C8B: variants seen among roughly 807,000 people sequenced by gnomAD.
C8B encodes complement component C8 beta chain.
A neutral mutation model predicts 64.6 loss-of-function variants in C8B; 67 were observed. The ratio of observed to expected loss-of-function variants is 1.04; its 90% CI spans 0.85 to 1.27. The LOEUF (loss-of-function observed/expected upper bound fraction) is 1.27, where lower values mean the gene tolerates loss of function less well. Ranked by LOEUF, C8B falls within the 50% of genes most tolerant of loss-of-function variation. The pLI is 0.00. For synonymous variants in C8B, 284 were observed against 257.7 expected (o/e 1.10, Z -0.98); for missense variants, 790 against 725.2 (o/e 1.09, Z -1.03).
intron 9 of C8B, among the ~76,000 whole-genome samples, chr1:56,938,784 C>A (rs1644808854): frequency 6.6e-6 from 1 of 152,110 alleles, no homozygotes; most frequent in Admixed American, 6.6e-5. Flanking sequence ...GTCTACTGGG[C>A]TCTGCTGTCT....
intron 6 of C8B, among the ~76,000 whole-genome samples, chr1:56,948,285 A>G (rs980858769): frequency 6.6e-6 from 1 of 152,244 alleles, no homozygotes; most frequent in Admixed American, 6.5e-5. Flanking sequence ...GTAAGAGATG[A>G]AAGAACATGG....
At position 56,954,753 on chromosome 1, in the gene C8B, T is replaced by C. The variant is rs747315203; in HGVS notation, c.466A>G (p.Arg156Gly). 50 of 1,614,066 alleles carry C rather than the reference T, an allele frequency of 3.1e-5. No individual in the cohort carries two copies. Among genetic ancestry groups the C allele is most frequent in the Non-Finnish European group, 4.0e-5 (47 of 1,180,018 alleles). The stretch of plus-strand genomic sequence containing the variant: ...TGCTGACATTTTTTATAAATCCTTC[T>C]ACAGTTTGCTTCATCTGACTGGTCT... ...CGDQSDEANC[R>G]RIYKKCQHEM... The change falls in exon 4 of 12, where the codon AGA becomes GGA. Residue 156 changes from arginine to glycine, a missense_variant. Transcript: ENST00000371237.
chr1:56,946,281 C>G (rs578030839), intron 6 of C8B, among the ~76,000 whole-genome samples: 6 of 152,242 alleles, frequency 3.9e-5, no homozygotes, highest in African/African-American at 1.4e-4. Context: ...TCTTAACTCA[C>G]CTCCTTACTG....
intron 6 of C8B, among the ~76,000 whole-genome samples, chr1:56,948,134 T>C (rs559724035): frequency 6.6e-6 from 1 of 152,032 alleles, no homozygotes; most frequent in East Asian, 1.9e-4. Flanking sequence ...ATCAGGGAGC[T>C]GGAAGGGAGA....
chr1:56,953,690 G>A (rs1261618459), intron 4 of C8B, among the ~76,000 whole-genome samples: 12 of 152,178 alleles, frequency 7.9e-5, no homozygotes, highest in Admixed American at 7.9e-4. Context: ...TCCTGCAGAT[G>A]ATAAAGCTAA....
In C8B at chr1:56,952,159, A is replaced by G. The variant is rs1451911468; in HGVS notation, c.555T>C (p.Ser185=). The G allele has an allele frequency of 6.2e-6, 10 of 1,614,182 alleles. No individual in the cohort carries two copies. Among genetic ancestry groups the G allele is most frequent in the Non-Finnish European group, 8.5e-6 (10 of 1,180,010 alleles). ...TGTGATCAAGAACTGGGCCCTCAAAACTGTTTGTGAACAAATTTATCCTGT... is the reference window on the plus strand; with the variant it reads ...TGTGATCAAGAACTGGGCCCTCAAAGCTGTTTGTGAACAAATTTATCCTGT... ...LASGINLFTN[S]FEGPVLDHRY... Residue 185 remains serine (S), a synonymous_variant, in exon 5 of 12, where the codon AGT becomes AGC. Transcript: ENST00000371237.
At chr1:56,930,200 C>T (rs1357098967) in intron 11 of C8B, among the ~76,000 whole-genome samples, 1 of 152,176 alleles carries the variant, frequency 6.6e-6, no homozygotes, top group East Asian at 1.9e-4. Context: ...ATAATGGGAG[C>T]TGTGTTATCT....
At position 56,940,729 on chromosome 1, in the gene C8B, G is replaced by A. The variant is rs1326713817; in HGVS notation, c.1398+120C>T. On this transcript the variant is annotated intron_variant, in intron 9 of 11. Transcript: ENST00000371237. Reference sequence around the variant, plus strand: ...AAATATATTTTCTACTATCGTATATGTGTCCCAAAATTAGGGCCTGGGTCT... The same window carrying A: ...AAATATATTTTCTACTATCGTATATATGTCCCAAAATTAGGGCCTGGGTCT... The A allele has an allele frequency of 2.9e-6, 3 of 1,042,006 alleles. No homozygotes were observed. In the South Asian group the frequency reaches 3.9e-5, roughly 13 times the overall value. 64.5% of individuals were successfully genotyped at this position (1,042,006 alleles called of 1,614,324 possible). A position where few individuals can be genotyped will look rare whatever the true frequency, so the allele number is the denominator to read the frequency against.
At chr1:56,934,416 A>G (rs1179589962) in intron 9 of C8B, among the ~76,000 whole-genome samples, 2 of 152,180 alleles carry the variant, frequency 1.3e-5, no homozygotes, top group Non-Finnish European at 1.5e-5. Flanking sequence ...GAGAAGTCAC[A>G]GATAGATGTG....
chr1:56,950,178 ATTAC>A (rs1203732256), intron 5 of C8B, among the ~76,000 whole-genome samples: 1 of 152,196 alleles, frequency 6.6e-6, no homozygotes, highest in African/African-American at 2.4e-5. Flanking sequence ...AGGCTTTTGA[ATTAC>A]TTCTCCTGAA....
chr1:56,947,863 G>A lies in C8B; in HGVS notation c.864+1692C>T, dbSNP rs1053885958. Among the ~76,000 whole-genome samples, 5 of 152,200 alleles carry A rather than the reference G, an allele frequency of 3.3e-5. No individual in the cohort carries two copies. The South Asian group carries it at 1.0e-3, about 32-fold the overall frequency. On this transcript the variant is annotated intron_variant, in intron 6 of 11. Transcript: ENST00000371237. The stretch of plus-strand genomic sequence containing the variant: ...GGAGAATCGCTTGAACCCGGGAGGT[G>A]GAGGTTGAAGTGAGCCGAGATCATG...
chr1:56,952,104 A>G lies in C8B; in HGVS notation c.610T>C (p.Tyr204His), dbSNP rs1281072707. ...RYYAGGCSPH[Y>H]ILNTRFRKPY... ...TTCCTAAACCTCGTGTTCAGGATGT[A>G]ATGCGGGGAGCATCCACCTGCATAA... Residue 204 changes from tyrosine (Y) to histidine (H), a missense_variant, in exon 5 of 12, where the codon TAC becomes CAC. Coordinates refer to ENST00000371237, the MANE Select transcript of C8B (RefSeq NM_000066.4). The G allele has an allele frequency of 6.2e-7, 1 of 1,614,150 alleles. No homozygotes were observed. The highest frequency in any genetic ancestry group is 8.5e-7 in the Non-Finnish European group (1 of 1,180,008).
chr1:56,965,234 C>T (rs1269460495), intron 1 of C8B, among the ~76,000 whole-genome samples: 4 of 152,198 alleles, frequency 2.6e-5, no homozygotes, highest in African/African-American at 4.8e-5. Flanking sequence ...CACATTGCTA[C>T]GTCACTGGCT....
intron 6 of C8B, among the ~76,000 whole-genome samples, chr1:56,948,270 G>A (rs971224636): frequency 8.5e-5 from 13 of 152,148 alleles, no homozygotes; most frequent in African/African-American, 3.1e-4. Context: ...ATTTAGTTGG[G>A]CACAGTAAGA....
rs961301901 is a variant in C8B at position 56,955,147 on chromosome 1, T to C, written c.392-320A>G. ...GTGAGCTGGGCCACTTTTCTCTTGT[T>C]ACTTAACCTCTCTGCCTCAATTTAC... On this transcript the variant is annotated intron_variant, in intron 3 of 11. Coordinates refer to ENST00000371237, the MANE Select transcript of C8B (RefSeq NM_000066.4). 5.9e-5 allele frequency among the ~76,000 whole-genome samples: 9 copies of C among 152,290 alleles called. No individual in the cohort carries two copies. In the East Asian group the frequency reaches 1.7e-3, roughly 29 times the overall value.
intron 4 of C8B, among the ~76,000 whole-genome samples, chr1:56,954,058 A>C (rs1645064085): frequency 6.6e-6 from 1 of 152,074 alleles, no homozygotes; most frequent in South Asian, 2.1e-4. Context: ...TGATTCCTAA[A>C]GCATATGAGG....
intron 8 of C8B, among the ~76,000 whole-genome samples, chr1:56,941,513 G>GAT (rs1420264010): frequency 2.2e-5 from 1 of 45,742 alleles, no homozygotes; most frequent in East Asian, 2.7e-4. Flanking sequence ...TAGATACATA[G>GAT]ATAGATAGAT....
Position 56,933,393 on chromosome 1 carries a change from C to T in C8B, c.1494G>A (p.Lys498=). 5 of 1,613,774 alleles carry T rather than the reference C, an allele frequency of 3.1e-6. No individual in the cohort carries two copies. The highest frequency in any genetic ancestry group is 4.2e-6 in the Non-Finnish European group (5 of 1,179,688). ...GAGCACAGTGGCAGGAACTAACTTC[C>T]TTCTGGAACTCCTCCAGTGCCTGCT... ...NMKQALEEFQ[K]EVSSCHCAPC... Residue 498 remains lysine (K), a synonymous_variant, in exon 10 of 12, where the codon AAG becomes AAA. Coordinates refer to ENST00000371237, the MANE Select transcript of C8B (RefSeq NM_000066.4).
chr1:56,943,557 T>C, intron 8 of C8B, 139 bp downstream of exon 8: 1 of 1,010,550 alleles, frequency 9.9e-7, no homozygotes, highest in South Asian at 1.3e-5. Context: ...ATGGTAAAAC[T>C]ATAAAAAACA....
Sources: gnomAD v4.1 joint callset for allele counts (sites outside exome capture counted in the v4.1 genomes callset) on GRCh38, gnomAD v4.1.1 for gene constraint, MANE v1.5 for transcripts, NCBI Gene and HGNC (gene_info 2026-07-23, HGNC 2026-07-21) for gene names.